Variants in GALNT3 observed in about 807,000 individuals in gnomAD.
GALNT3 encodes polypeptide N-acetylgalactosaminyltransferase 3.
A neutral mutation model predicts 69.8 loss-of-function variants in GALNT3; 51 were observed. The ratio of observed to expected loss-of-function variants is 0.73; its 90% CI spans 0.58 to 0.92. The LOEUF (loss-of-function observed/expected upper bound fraction) is 0.92. Ranked by LOEUF, GALNT3 falls within the 40% of genes least tolerant of loss-of-function variation. The pLI is 0.00. For synonymous variants in GALNT3, 265 were observed against 248.5 expected, an observed-to-expected ratio of 1.07 and a Z score of -0.63; for missense variants, 711 against 760.0, an observed-to-expected ratio of 0.94 and a Z score of 0.76.
chr2:165,753,502 G>A lies in GALNT3; in HGVS notation c.1626+1125C>T, dbSNP rs530244518. ...CTTTTCTATACCCCCAGAACACTCTGAATGCTTTATCCTAAGGAACTGCTA... is the reference window on the plus strand; with the variant it reads ...CTTTTCTATACCCCCAGAACACTCTAAATGCTTTATCCTAAGGAACTGCTA... On this transcript the variant is annotated intron_variant, in intron 9 of 10. Transcript: ENST00000392701. 7.1e-4 allele frequency among the ~76,000 whole-genome samples: 107 copies of A among 151,764 alleles called. 1 individual carries two copies. The highest frequency in any genetic ancestry group is 6.3e-4 in the Non-Finnish European group (43 of 67,950).
At chr2:165,759,975 T>C (rs771408545) in intron 4 of GALNT3, among the ~76,000 whole-genome samples, 3 of 152,120 alleles carry the variant, frequency 2.0e-5, no homozygotes, top group Non-Finnish European at 4.4e-5. Context: ...TAAAGGTTTA[T>C]TGTGATGAGA....
chr2:165,779,892 G>T (rs1404779786), intron 1 of GALNT3, among the ~76,000 whole-genome samples: 1 of 152,150 alleles, frequency 6.6e-6, no homozygotes, highest in African/African-American at 2.4e-5. Flanking sequence ...AGCATTCTAG[G>T]AGTCCACAGA....
At chr2:165,765,750 A>C (rs977787574) in intron 2 of GALNT3, among the ~76,000 whole-genome samples, 12 of 152,136 alleles carry the variant, frequency 7.9e-5, no homozygotes, top group Non-Finnish European at 1.6e-4. Context: ...GGCCTCCCAA[A>C]GTGCTGGGAT....
Position 165,748,415 on chromosome 2 carries a change from C to CA in GALNT3, c.*365dup, listed in dbSNP as rs1276037663. The CA allele has an allele frequency of 7.3e-6, 2 of 275,164 alleles. No homozygotes were observed. 17.0% of individuals were successfully genotyped at this position (275,164 alleles called of 1,614,324 possible). On this transcript the variant is annotated 3_prime_UTR_variant, in exon 11 of 11. Transcript: ENST00000392701. Reference sequence around the variant, plus strand: ...TAACAAATCTTTCTTCCTATCCCCCCAAAAAACTAGGGGAAATATTTTAAA... The same window carrying CA: ...TAACAAATCTTTCTTCCTATCCCCCCAAAAAAACTAGGGGAAATATTTTAAA...
In GALNT3 at chr2:165,754,707, G is replaced by C; in HGVS notation, c.1546C>G (p.Leu516Val). Residue 516 changes from leucine (L) to valine (V), a missense_variant, in exon 9 of 11, where the codon CTA (leucine) becomes GTA (valine). Coordinates refer to ENST00000392701, the MANE Select transcript of GALNT3 (RefSeq NM_004482.4). ...TTGTTTTCTCCAACATCCAGACATA[G>C]AGGCTGACCAACGCTTTTAATCTAA... ...SGYIKSVGQPLCLDVGENNQG... is the reference protein window; with the variant it reads ...SGYIKSVGQPVCLDVGENNQG... 1.9e-6 allele frequency: 3 copies of C among 1,612,822 alleles called. No individual in the cohort carries two copies. The highest frequency in any genetic ancestry group is 2.2e-5 in the East Asian group (1 of 44,830).
chr2:165,789,645 G>T lies in GALNT3; in HGVS notation c.-109+4370C>A, dbSNP rs566395783. ...GCTACTTGGAAGGCTGACATGGAAG[G>T]ATCACTTGAGTCCAGGAGTTCAAGA... On this transcript the variant is annotated intron_variant, in intron 1 of 10. Coordinates refer to ENST00000392701, the MANE Select transcript of GALNT3 (RefSeq NM_004482.4). 4.0e-5 allele frequency among the ~76,000 whole-genome samples: 6 copies of T among 151,844 alleles called. No individual in the cohort carries two copies. The East Asian group carries it at 1.2e-3, about 29-fold the overall frequency.
Position 165,770,402 on chromosome 2 carries a change from CCT to C in GALNT3, c.297_298del (p.Gly100IlefsTer12). ...CTTCAATTCTGCTGCTGTATAATAT[CCT>C]TGCAAACAAGGTCTCTCACCAGCAT... On this transcript the variant is annotated frameshift_variant, in exon 2 of 11. Coordinates refer to ENST00000392701, the MANE Select transcript of GALNT3 (RefSeq NM_004482.4). LOFTEE classifies it high-confidence loss of function. 1 of 1,614,200 alleles carries C rather than the reference CCT, an allele frequency of 6.2e-7. No individual in the cohort carries two copies. The highest frequency in any genetic ancestry group is 8.5e-7 in the Non-Finnish European group (1 of 1,180,048).
chr2:165,763,903 C>A (rs962241911), intron 3 of GALNT3, among the ~76,000 whole-genome samples: 45 of 152,146 alleles, frequency 3.0e-4, no homozygotes, highest in Non-Finnish European at 1.3e-4. Flanking sequence ...TTTACCTTTT[C>A]TGCGCCTCAG....
intron 5 of GALNT3, 145 bp downstream of exon 5, chr2:165,759,191 G>T (rs1447739240): frequency 2.7e-6 from 2 of 729,328 alleles, no homozygotes; most frequent in East Asian, 2.7e-5. Flanking sequence ...GTACACAAAT[G>T]AATGACTTTT....
In GALNT3 at chr2:165,754,648, A is replaced by T. The variant is rs200815957; in HGVS notation, c.1605T>A (p.Cys535Ter). 1.9e-6 allele frequency: 3 copies of T among 1,612,998 alleles called. No individual in the cohort carries two copies. Among genetic ancestry groups the T allele is most frequent in the Non-Finnish European group, 2.5e-6 (3 of 1,179,168 alleles). ...TCACCTGGTTTCCCCCAAGTCCATG[A>T]CATGTATACATAATTAATGGTTTGC... ...QGGKPLIMYT[C>*]HGLGGNQYFE... is the part of the protein sequence containing the mutation. Residue 535 changes from cysteine to a stop codon, truncating the protein, a stop_gained, in exon 9 of 11, where the codon TGT becomes TGA. Transcript: ENST00000392701. LOFTEE classifies it high-confidence loss of function.
chr2:165,756,884 T>C (rs1688451619), intron 7 of GALNT3, among the ~76,000 whole-genome samples, 163 bp downstream of exon 7: 3 of 152,232 alleles, frequency 2.0e-5, no homozygotes, highest in African/African-American at 7.2e-5. Context: ...TACTTAGTTT[T>C]TTTCTTAAAA....
intron 2 of GALNT3, among the ~76,000 whole-genome samples, chr2:165,766,831 T>C (rs1456933638): frequency 1.3e-5 from 2 of 152,178 alleles, no homozygotes; most frequent in East Asian, 3.9e-4. Flanking sequence ...TCTGATACCC[T>C]TTTTTAACAG....
intron 4 of GALNT3, among the ~76,000 whole-genome samples, chr2:165,759,848 T>C (rs749781617): frequency 6.6e-6 from 1 of 152,202 alleles, no homozygotes; most frequent in Non-Finnish European, 1.5e-5. Flanking sequence ...TATCGGCTTA[T>C]GGAGCGGGTG....
intron 5 of GALNT3, among the ~76,000 whole-genome samples, 170 bp from the exon 6 acceptor site, chr2:165,759,034 G>A (rs962452782): frequency 1.3e-5 from 2 of 152,052 alleles, no homozygotes; most frequent in Non-Finnish European, 2.9e-5. Flanking sequence ...TTGGGGTCGG[G>A]GGGAGTACTT....
At position 165,750,016 on chromosome 2, in the gene GALNT3, TA is replaced by T. The variant is rs1027729343; in HGVS notation, c.1627-123del. 2.4e-5 allele frequency: 21 copies of T among 891,990 alleles called. No homozygotes were observed. In the African/African-American group the frequency reaches 2.7e-4, roughly 11 times the overall value. 55.3% of individuals were successfully genotyped at this position (891,990 alleles called of 1,614,324 possible). A position where few individuals can be genotyped will look rare whatever the true frequency, so the allele number is the denominator to read the frequency against. On this transcript the variant is annotated intron_variant, in intron 9 of 10. Coordinates refer to ENST00000392701, the MANE Select transcript of GALNT3 (RefSeq NM_004482.4). ...TTTCTATTTCAACAAAATAATACAA[TA>T]AAAATAGTTATTAGAAACATAAGCT...
At chr2:165,752,531 C>T (rs779625544) in intron 9 of GALNT3, among the ~76,000 whole-genome samples, 56 of 152,180 alleles carry the variant, frequency 3.7e-4, no homozygotes, top group Non-Finnish European at 7.1e-4. Context: ...GTTTTCCCAT[C>T]CCCCAATTTC....
intron 1 of GALNT3, among the ~76,000 whole-genome samples, chr2:165,779,956 A>G (rs997421808): frequency 1.3e-5 from 2 of 152,206 alleles, no homozygotes; most frequent in African/African-American, 2.4e-5. Flanking sequence ...TGTCTATTCT[A>G]GTGAGGAGAA....
At chr2:165,787,522 T>C (rs975257140) in intron 1 of GALNT3, among the ~76,000 whole-genome samples, 1 of 152,252 alleles carries the variant, frequency 6.6e-6, no homozygotes, top group African/African-American at 2.4e-5. Flanking sequence ...GAAGCCAGAA[T>C]GAGCTCAGAT....
At chr2:165,783,468 C>T (rs532157452) in intron 1 of GALNT3, among the ~76,000 whole-genome samples, 1 of 152,314 alleles carries the variant, frequency 6.6e-6, no homozygotes, top group South Asian at 2.1e-4. Flanking sequence ...TTTGCATTCA[C>T]CTTTCTACAG....
Sources: gnomAD v4.1 joint callset for allele counts (sites outside exome capture counted in the v4.1 genomes callset) on GRCh38, gnomAD v4.1.1 for gene constraint, MANE v1.5 for transcripts, NCBI Gene and HGNC (gene_info 2026-07-23, HGNC 2026-07-21) for gene names.